The following CSMD3 variants were observed in gnomAD, a reference collection of about 807,000 sequenced individuals.
The protein encoded by CSMD3 is CUB and Sushi multiple domains 3, also known as CUB and sushi domain-containing protein 3.
Under a neutral mutation model 435.2 loss-of-function variants are expected in CSMD3, and 177 were observed. The ratio of observed to expected loss-of-function variants is 0.41; its 90% CI spans 0.36 to 0.46. CSMD3 has a LOEUF of 0.46. CSMD3 is among the 20% of genes least tolerant of loss of function. The pLI, the probability that CSMD3 is intolerant of heterozygous loss-of-function variation, is 0.34. For synonymous variants in CSMD3, 1,656 were observed against 1,520.5 expected (o/e 1.09, Z -2.07); for missense variants, 4,265 against 4,504.6 (o/e 0.95, Z 1.52).
chr8:112,247,183 G>T (rs1203186132), intron 63 of CSMD3, 52 bp from the exon 64 acceptor site: 2 of 1,098,080 alleles, frequency 1.8e-6, no homozygotes, highest in Non-Finnish European at 2.8e-6. Flanking sequence ...CTTCAAATAT[G>T]GCAACAAACA....
intron 27 of CSMD3, among the ~76,000 whole-genome samples, chr8:112,542,403 T>C (rs571561001): frequency 4.7e-5 from 7 of 148,772 alleles, no homozygotes; most frequent in African/African-American, 7.4e-5. Flanking sequence ...CAATCTCATA[T>C]ATAGAAAATC....
chr8:112,564,124 T>C (rs549679863), intron 24 of CSMD3, among the ~76,000 whole-genome samples: 3 of 151,800 alleles, frequency 2.0e-5, no homozygotes, highest in Admixed American at 6.6e-5. Context: ...TTTTGGCCCA[T>C]GTTTTTGTTT....
chr8:113,236,296 C>T (rs78759374), intron 3 of CSMD3, among the ~76,000 whole-genome samples: 264 of 152,324 alleles, frequency 1.7e-3, no homozygotes, highest in South Asian at 9.7e-3. Flanking sequence ...GCACTAGCTG[C>T]TGTCTCTCCC....
At chr8:113,149,674 T>C (rs2091760512) in intron 4 of CSMD3, among the ~76,000 whole-genome samples, 3 of 151,916 alleles carry the variant, frequency 2.0e-5, no homozygotes, top group Admixed American at 2.0e-4. Context: ...AGCTAGTGAA[T>C]GAAAAATGGT....
At chr8:113,088,474 T>C (rs1402533736) in intron 5 of CSMD3, among the ~76,000 whole-genome samples, 1 of 148,856 alleles carries the variant, frequency 6.7e-6, no homozygotes, top group Non-Finnish European at 1.5e-5. Flanking sequence ...TGTCCAACAA[T>C]GATAGACTGG....
chr8:113,088,550 G>T (rs548387723), intron 5 of CSMD3, among the ~76,000 whole-genome samples: 261 of 151,918 alleles, frequency 1.7e-3, no homozygotes, highest in African/African-American at 5.9e-3. Context: ...ATAAGTTCAT[G>T]TCCTTTGTAG....
intron 27 of CSMD3, among the ~76,000 whole-genome samples, chr8:112,547,949 G>T (rs1029157207): frequency 6.6e-6 from 1 of 152,082 alleles, no homozygotes; most frequent in Admixed American, 6.6e-5. Context: ...TGAATGGGTA[G>T]GATGAAATAG....
At chr8:112,942,723 G>A (rs1323862556) in intron 9 of CSMD3, among the ~76,000 whole-genome samples, 3 of 151,726 alleles carry the variant, frequency 2.0e-5, no homozygotes, top group African/African-American at 7.3e-5. Flanking sequence ...GTTGGAGGGT[G>A]AGAGGAGGGT....
At chr8:112,735,642 C>T (rs755718662) in intron 13 of CSMD3, among the ~76,000 whole-genome samples, 19 of 151,936 alleles carry the variant, frequency 1.3e-4, no homozygotes, top group Non-Finnish European at 2.1e-4. Context: ...CTGCAGCTTG[C>T]TAAAAAGTGC....
At chr8:112,705,885 A>C (rs2131895569) in intron 13 of CSMD3, among the ~76,000 whole-genome samples, 1 of 152,240 alleles carries the variant, frequency 6.6e-6, no homozygotes, top group Admixed American at 6.6e-5. Flanking sequence ...TTAGACTATT[A>C]AAGATGAAAC....
chr8:113,241,252 A>T (rs192850931), intron 3 of CSMD3, among the ~76,000 whole-genome samples: 1 of 152,256 alleles, frequency 6.6e-6, no homozygotes, highest in Admixed American at 6.5e-5. Context: ...TAGAGAAAAT[A>T]TGAATAGAGA....
At chr8:112,594,798 G>C (rs1447177841) in intron 22 of CSMD3, among the ~76,000 whole-genome samples, 1 of 152,114 alleles carries the variant, frequency 6.6e-6, no homozygotes, top group African/African-American at 2.4e-5. Flanking sequence ...ACCTGCAGCT[G>C]AGGGTCCTGT....
rs112418481 is a variant in CSMD3, at chr8:112,782,811, G to GA, written c.1972+17350dup. Among the ~76,000 whole-genome samples the GA allele has an allele frequency of 3.8e-3, 565 of 148,638 alleles. 9 individuals carry two copies. In the East Asian group the frequency reaches 0.048, roughly 13 times the overall value. On this transcript the variant is annotated intron_variant, in intron 13 of 70. Coordinates refer to ENST00000297405, the MANE Select transcript of CSMD3 (RefSeq NM_198123.2). ...ACATAACATATTTAAAGTGCTGAAA[G>GA]AAAAAAAAAATCTATAGTAGTATAC...
At chr8:112,376,084 C>T (rs1238723691) in intron 38 of CSMD3, among the ~76,000 whole-genome samples, 1 of 152,126 alleles carries the variant, frequency 6.6e-6, no homozygotes, top group Non-Finnish European at 1.5e-5. Context: ...AGACTCACCC[C>T]AAGTGTCACC....
intron 13 of CSMD3, among the ~76,000 whole-genome samples, chr8:112,705,669 A>T (rs1327045247): frequency 6.6e-6 from 1 of 152,078 alleles, no homozygotes; most frequent in African/African-American, 2.4e-5. Context: ...CTCTGCCCTT[A>T]AAAAGGATAC....
chr8:112,695,825 A>G (rs1218211726), intron 13 of CSMD3, among the ~76,000 whole-genome samples: 3 of 152,218 alleles, frequency 2.0e-5, no homozygotes, highest in Admixed American at 2.0e-4. Flanking sequence ...TTGCATATTT[A>G]GAAAACCCCA....
intron 59 of CSMD3, among the ~76,000 whole-genome samples, chr8:112,275,903 A>C (rs997954171): frequency 6.6e-6 from 1 of 152,178 alleles, no homozygotes; most frequent in African/African-American, 2.4e-5. Flanking sequence ...ATATCCTCAC[A>C]CTTCAAAACA....
chr8:112,507,892 C>T (rs7834105), intron 28 of CSMD3, among the ~76,000 whole-genome samples: 129,118 of 152,076 alleles, frequency 0.85, 55,094 homozygotes, highest in African/African-American at 0.93. Context: ...GCTCTTACTG[C>T]ATTGAGAATA....
chr8:112,663,241 G>A (rs911892519), intron 17 of CSMD3, among the ~76,000 whole-genome samples: 2 of 152,006 alleles, frequency 1.3e-5, no homozygotes, highest in Admixed American at 6.6e-5. Flanking sequence ...CAAGCCAAAT[G>A]TCCAACAATG....
Sources: gnomAD v4.1 joint callset for allele counts (sites outside exome capture counted in the v4.1 genomes callset) on GRCh38, gnomAD v4.1.1 for gene constraint, MANE v1.5 for transcripts, NCBI Gene and HGNC (gene_info 2026-07-23, HGNC 2026-07-21) for gene names.